Variants in STON1 observed in about 807,000 individuals in gnomAD.
The protein encoded by STON1 is stonin 1, also known as stonin-1.
STON1 carries 79 observed loss-of-function variants against 60.9 expected under a neutral mutation model. That is an observed-to-expected ratio of 1.30 (90% CI 1.08 to 1.56). The LOEUF (loss-of-function observed/expected upper bound fraction) is 1.56, where lower values mean the gene tolerates loss of function less well. Among genes scored for constraint, STON1 ranks in the 40% most tolerant of loss-of-function variants. STON1 has a pLI of 0.00. For synonymous variants in STON1, 363 were observed against 306.9 expected (o/e 1.18, Z -1.91); for missense variants, 1,166 against 858.9 (o/e 1.36, Z -4.47).
At position 48,597,693 on chromosome 2, in the gene STON1, A is replaced by G. The variant is rs1316304836; in HGVS notation, c.*2391A>G. The G allele has an allele frequency of 6.5e-6, 1 of 152,704 alleles. No homozygotes were observed. The highest frequency in any genetic ancestry group is 1.5e-5 in the Non-Finnish European group (1 of 68,048). The allele number at this position is 152,704 out of a possible 1,614,324, so 9.5% of individuals were successfully genotyped here. A position where few individuals can be genotyped will look rare whatever the true frequency, so the allele number is the denominator to read the frequency against. ...CAATGCAGAAGCTGATAGCATTAAC[A>G]GCAGGGTGTTACAGCATAATTGTTA... On this transcript the variant is annotated 3_prime_UTR_variant, in exon 4 of 4. Coordinates refer to ENST00000404752, the MANE Select transcript of STON1 (RefSeq NM_006873.4).
Position 48,580,823 on chromosome 2 carries a change from T to TC in STON1, c.195dup (p.Ile66HisfsTer13), listed in dbSNP as rs760329729. The stretch of plus-strand genomic sequence containing the variant: ...CTCCACCAGCAGCACTCCTCTCTCC[T>TC]CCCCCATTGTAGATTTTTATTTCAG... On this transcript the variant is annotated frameshift_variant, in exon 2 of 4. Transcript: ENST00000404752. LOFTEE classifies it high-confidence loss of function. 7 of 1,548,428 alleles carry TC rather than the reference T, an allele frequency of 4.5e-6. No individual in the cohort carries two copies. The Middle Eastern group carries it at 5.2e-4, about 115-fold the overall frequency.
At chr2:48,567,294 G>A (rs781198877) in intron 1 of STON1, among the ~76,000 whole-genome samples, 2 of 152,222 alleles carry the variant, frequency 1.3e-5, no homozygotes, top group Non-Finnish European at 2.9e-5. Context: ...GACCTAAGAT[G>A]AAGGTGAGGC....
chr2:48,586,315 G>A (rs10495954), intron 2 of STON1, among the ~76,000 whole-genome samples: 6,135 of 152,210 alleles, frequency 0.04, 140 homozygotes, highest in African/African-American at 0.044. Context: ...CTAGGTATAG[G>A]TTCTGTGCTG....
At chr2:48,534,338 T>A (rs1274482789) in intron 1 of STON1, among the ~76,000 whole-genome samples, 1 of 152,138 alleles carries the variant, frequency 6.6e-6, no homozygotes, top group Non-Finnish European at 1.5e-5. Flanking sequence ...TTTCAGAAAC[T>A]AGAACCAGAA....
chr2:48,564,489 CTTCTTCTT>C (rs1558604940), intron 1 of STON1, among the ~76,000 whole-genome samples: 6 of 25,004 alleles, frequency 2.4e-4, no homozygotes, highest in African/African-American at 7.0e-4. Flanking sequence ...CTTTCTTCTT[CTTCTTCTT>C]CTTCTTCTTC....
In STON1 at chr2:48,591,681, C is replaced by T. The variant is rs1206571436; in HGVS notation, c.1959C>T (p.Tyr653=). 1.2e-6 allele frequency: 2 copies of T among 1,613,870 alleles called. No homozygotes were observed. The highest frequency in any genetic ancestry group is 1.7e-6 in the Non-Finnish European group (2 of 1,180,018). The change falls in exon 3 of 4, where the codon TAC becomes TAT. Residue 653 remains tyrosine, a synonymous_variant. Coordinates refer to ENST00000404752, the MANE Select transcript of STON1 (RefSeq NM_006873.4). ...TAGATCATCCCCATTGTCTGTCATA[C>T]AAATTAGAGCTTGGATCAGACCAAG... ...SSLDHPHCLS[Y]KLELGSDQEI... is the part of the protein sequence containing the mutation.
intron 1 of STON1, among the ~76,000 whole-genome samples, chr2:48,575,092 C>T (rs190641355): frequency 5.9e-4 from 90 of 152,296 alleles, no homozygotes; most frequent in African/African-American, 2.0e-3. Context: ...TTACATACTT[C>T]GTATAAGAGG....
At chr2:48,593,858 A>ATAGG in intron 3 of STON1, among the ~76,000 whole-genome samples, 1 of 152,312 alleles carries the variant, frequency 6.6e-6, no homozygotes, top group Non-Finnish European at 1.5e-5. Flanking sequence ...AAAAGTAATG[A>ATAGG]TAGGTAGTGC....
At chr2:48,554,162 C>T (rs895732283) in intron 1 of STON1, among the ~76,000 whole-genome samples, 1 of 152,058 alleles carries the variant, frequency 6.6e-6, no homozygotes. Context: ...TGCAGAGGCA[C>T]CTGAGATGAC....
chr2:48,562,332 G>T (rs1157016817), intron 1 of STON1, among the ~76,000 whole-genome samples: 6 of 152,182 alleles, frequency 3.9e-5, no homozygotes. Flanking sequence ...GTTCAGAGTT[G>T]TTCAGAAACC....
chr2:48,567,655 G>A (rs766090630), intron 1 of STON1, among the ~76,000 whole-genome samples: 1 of 152,178 alleles, frequency 6.6e-6, no homozygotes, highest in South Asian at 2.1e-4. Context: ...TGCCCGCCTC[G>A]GCCTCCCAAA....
chr2:48,569,868 C>G (rs1162013261), intron 1 of STON1, among the ~76,000 whole-genome samples: 1 of 152,088 alleles, frequency 6.6e-6, no homozygotes, highest in Non-Finnish European at 1.5e-5. Flanking sequence ...GTGAGCTTTT[C>G]CTTTGAGTGT....
chr2:48,540,848 G>C (rs193159075), intron 1 of STON1, among the ~76,000 whole-genome samples: 1 of 152,178 alleles, frequency 6.6e-6, no homozygotes, highest in Admixed American at 6.5e-5. Flanking sequence ...ACACCCAGCT[G>C]GTGTCTGTTG....
chr2:48,581,733 T>C lies in STON1; in HGVS notation c.1100T>C (p.Val367Ala), dbSNP rs763018116. 1 of 1,611,754 alleles carries C rather than the reference T, an allele frequency of 6.2e-7. No individual in the cohort carries two copies. The highest frequency in any genetic ancestry group is 1.7e-5 in the Admixed American group (1 of 59,500). Reference protein sequence around the residue: ...KRKYHSKTEVVHEPDIEQMLK... With the variant: ...KRKYHSKTEVAHEPDIEQMLK... ...AAATACCATTCTAAGACAGAAGTAG[T>C]TCATGAACCTGACATAGAGCAGATG... The change falls in exon 2 of 4, where the codon GTT becomes GCT. Residue 367 changes from valine (V) to alanine (A), a missense_variant. Val to Ala is a moderately conservative substitution (Grantham distance 64). Coordinates refer to ENST00000404752, the MANE Select transcript of STON1 (RefSeq NM_006873.4).
intron 1 of STON1, among the ~76,000 whole-genome samples, chr2:48,555,325 C>A (rs1471779299): frequency 3.8e-5 from 1 of 26,570 alleles, no homozygotes; most frequent in African/African-American, 1.3e-4. Flanking sequence ...GGGGGGCTGA[C>A]CCCCCCCACC....
intron 1 of STON1, among the ~76,000 whole-genome samples, chr2:48,537,437 A>T (rs553900181): frequency 1.4e-3 from 219 of 152,340 alleles, no homozygotes; most frequent in Non-Finnish European, 2.5e-3. Flanking sequence ...TTGTGTTGAA[A>T]CATGTACATA....
At position 48,595,370 on chromosome 2, in the gene STON1, C is replaced by T. The variant is rs772874209; in HGVS notation, c.*68C>T. On this transcript the variant is annotated 3_prime_UTR_variant, in exon 4 of 4. Transcript: ENST00000404752. Reference sequence around the variant, plus strand: ...TAATTCACCGAAACCACACCAAGTCCTGCTACTGTAGAGTGGAAATGACTT... The same window carrying T: ...TAATTCACCGAAACCACACCAAGTCTTGCTACTGTAGAGTGGAAATGACTT... 56 of 1,376,102 alleles carry T rather than the reference C, an allele frequency of 4.1e-5. No homozygotes were observed. The East Asian group carries it at 1.3e-3, about 31-fold the overall frequency. The allele number at this position is 1,376,102 out of a possible 1,614,324, so 85.2% of individuals were successfully genotyped here.
chr2:48,550,195 T>C (rs1298673602), intron 1 of STON1, among the ~76,000 whole-genome samples: 2 of 152,006 alleles, frequency 1.3e-5, no homozygotes. Flanking sequence ...TGAATATAAA[T>C]ATATCTTAAG....
intron 1 of STON1, among the ~76,000 whole-genome samples, chr2:48,537,034 G>A (rs2103740031): frequency 6.6e-6 from 1 of 152,168 alleles, no homozygotes; most frequent in South Asian, 2.1e-4. Context: ...GATAATTCTT[G>A]AATTTTCTAT....
Sources: gnomAD v4.1 joint callset for allele counts (sites outside exome capture counted in the v4.1 genomes callset) on GRCh38, gnomAD v4.1.1 for gene constraint, MANE v1.5 for transcripts, NCBI Gene and HGNC (gene_info 2026-07-23, HGNC 2026-07-21) for gene names.